The following STAG2 variants were observed in gnomAD, a reference collection of about 807,000 sequenced individuals.
STAG2 encodes cohesin subunit SA-2.
A neutral mutation model predicts 108.1 loss-of-function variants in STAG2; 14 were observed. The ratio of observed to expected loss-of-function variants is 0.13; its 90% CI spans 0.09 to 0.20. The LOEUF is 0.20. Among genes scored for constraint, STAG2 ranks in the 10% least tolerant of loss-of-function variants. The pLI, the probability that STAG2 is intolerant of heterozygous loss-of-function variation, is 1.00. For missense variants in STAG2, 440 were observed against 940.9 expected (o/e 0.47, Z 6.96); for synonymous variants, 307 against 302.7 (o/e 1.01, Z -0.15).
At chrX:124,055,901 C>T (rs772605134) in intron 13 of STAG2, among the ~76,000 whole-genome samples, 1 of 111,474 alleles carries the variant, frequency 9.0e-6, no homozygotes, top group East Asian at 2.8e-4. Context: ...TTCTTTTAAA[C>T]GTTTATTTGT....
At chrX:123,978,477 G>C (rs749303511) in intron 1 of STAG2, among the ~76,000 whole-genome samples, 6 of 111,193 alleles carry the variant, frequency 5.4e-5, no homozygotes, top group Non-Finnish European at 9.4e-5. Flanking sequence ...AATGTGAGTG[G>C]TTTCTTCATC....
In STAG2 at chrX:124,083,499, T is replaced by C. The variant is rs765116950; in HGVS notation, c.3003T>C (p.Asp1001=). ...CACCTTTAAATTTGGCATTTCTTGA[T>C]ATTCTGAGTGAATTTTCTTCTAAAC... ...SHPPLNLAFL[D]ILSEFSSKLL... Residue 1001 remains aspartate (D), a synonymous_variant, in exon 29 of 35, where the codon GAT becomes GAC. Coordinates refer to ENST00000371145, the MANE Select transcript of STAG2 (RefSeq NM_001042750.2). 1.7e-6 allele frequency: 2 copies of C among 1,197,293 alleles called. No individual in the cohort carries two copies. Among genetic ancestry groups the C allele is most frequent in the African/African-American group, 3.5e-5 (2 of 56,979 alleles).
chrX:124,077,315 A>G (rs2058825161), intron 26 of STAG2, among the ~76,000 whole-genome samples: 1 of 109,997 alleles, frequency 9.1e-6, no homozygotes, highest in Admixed American at 9.8e-5. Flanking sequence ...TTTTAGTCTT[A>G]GGTATTCTAA....
At chrX:123,982,608 A>G (rs1397682906) in intron 1 of STAG2, among the ~76,000 whole-genome samples, 3 of 111,021 alleles carry the variant, frequency 2.7e-5, no homozygotes, top group African/African-American at 9.8e-5. Flanking sequence ...GCTGGTCTCG[A>G]ACTCCTGACC....
At chrX:124,039,025 A>G (rs1263007316) in intron 6 of STAG2, among the ~76,000 whole-genome samples, 1 of 110,508 alleles carries the variant, frequency 9.0e-6, no homozygotes, top group African/African-American at 3.3e-5. Flanking sequence ...ATCAAGGGCT[A>G]TGTCCTTTCT....
At chrX:124,017,250 C>A (rs2056761943) in intron 1 of STAG2, among the ~76,000 whole-genome samples, 1 of 109,337 alleles carries the variant, frequency 9.1e-6, no homozygotes, top group Admixed American at 9.9e-5. Context: ...CACTCTGTTG[C>A]CCAGGCTGGA....
chrX:124,037,147 A>G (rs1381697460), intron 5 of STAG2, among the ~76,000 whole-genome samples: 1 of 111,494 alleles, frequency 9.0e-6, no homozygotes, highest in Admixed American at 9.6e-5. Context: ...CGGCCTCCCA[A>G]AGTTCTGGGA....
Position 124,066,337 on chromosome X carries a change from C to T in STAG2, c.2185-19C>T, listed in dbSNP as rs2148343900. ...TGTGACTTTTAAATTTTAACTGTAT[C>T]CTTTGATTCTTTTTACAGATTGTTA... is the stretch of plus-strand genomic sequence containing the variant. On this transcript the variant is annotated intron_variant, in intron 22 of 34. Transcript: ENST00000371145. The T allele has an allele frequency of 1.7e-6, 2 of 1,195,114 alleles. No homozygotes were observed. Among genetic ancestry groups the T allele is most frequent in the Non-Finnish European group, 2.3e-6 (2 of 883,959 alleles).
intron 5 of STAG2, among the ~76,000 whole-genome samples, chrX:124,031,560 G>GT (rs1417741491): frequency 2.8e-5 from 2 of 72,650 alleles, no homozygotes; most frequent in African/African-American, 4.1e-5. Context: ...TGTTTTTTTT[G>GT]TTTTTTTGTT....
chrX:123,972,363 G>A (rs1335451510), intron 1 of STAG2, among the ~76,000 whole-genome samples: 1 of 107,183 alleles, frequency 9.3e-6, no homozygotes, highest in Non-Finnish European at 1.9e-5. Flanking sequence ...CTCCACCTCC[G>A]GGGTTCACGC....
upstream of STAG2, chrX:123,960,565 C>T (rs2053800247): frequency 2.4e-5 from 2 of 83,947 alleles, no homozygotes; most frequent in South Asian, 6.0e-4. Flanking sequence ...TCCAAGTCGC[C>T]GAAGAGCGAA....
intron 14 of STAG2, among the ~76,000 whole-genome samples, chrX:124,056,516 G>A (rs960721672): frequency 1.8e-5 from 2 of 108,878 alleles, no homozygotes; most frequent in East Asian, 2.9e-4. Context: ...GGTGGATCAC[G>A]AGGTCAGGAG....
At chrX:124,037,243 A>G (rs767352508) in intron 5 of STAG2, among the ~76,000 whole-genome samples, 4 of 112,078 alleles carry the variant, frequency 3.6e-5, no homozygotes, top group South Asian at 3.7e-4. Flanking sequence ...GAGAAATCAT[A>G]AGTAATTATA....
chrX:123,999,902 C>T (rs2055942058), intron 1 of STAG2, among the ~76,000 whole-genome samples: 1 of 109,472 alleles, frequency 9.1e-6, no homozygotes, highest in South Asian at 3.9e-4. Flanking sequence ...CTGTGAGCCA[C>T]CCTGCCCGGC....
At chrX:124,074,588 A>G (rs1185740070) in intron 25 of STAG2, among the ~76,000 whole-genome samples, 2 of 111,482 alleles carry the variant, frequency 1.8e-5, no homozygotes, top group Non-Finnish European at 1.9e-5. Flanking sequence ...CCTAACATCT[A>G]GTATTGTAGA....
chrX:124,081,977 G>A (rs1396463844), intron 28 of STAG2, among the ~76,000 whole-genome samples: 4 of 112,068 alleles, frequency 3.6e-5, no homozygotes, highest in South Asian at 3.7e-4. Context: ...GGGACAGAGC[G>A]AGGCTCTGTC....
At chrX:123,996,586 CT>C (rs2055746553) in intron 1 of STAG2, among the ~76,000 whole-genome samples, 1 of 111,248 alleles carries the variant, frequency 9.0e-6, no homozygotes, top group Admixed American at 9.6e-5. Flanking sequence ...CCACTGATTT[CT>C]TTCTCATTTA....
At chrX:124,010,865 T>A in intron 1 of STAG2, among the ~76,000 whole-genome samples, 1 of 111,808 alleles carries the variant, frequency 8.9e-6, no homozygotes, top group Non-Finnish European at 1.9e-5. Flanking sequence ...TAAAATTGTT[T>A]GGGCTTTTTG....
intron 32 of STAG2, among the ~76,000 whole-genome samples, chrX:124,091,437 A>G (rs2059249394): frequency 8.9e-6 from 1 of 112,177 alleles, no homozygotes; most frequent in African/African-American, 3.2e-5. Context: ...CTTACCATGT[A>G]ACTCTTACTT....
Sources: gnomAD v4.1 joint callset for allele counts (sites outside exome capture counted in the v4.1 genomes callset) on GRCh38, gnomAD v4.1.1 for gene constraint, MANE v1.5 for transcripts, NCBI Gene and HGNC (gene_info 2026-07-23, HGNC 2026-07-21) for gene names.